CCDC39: variants seen among roughly 807,000 people sequenced by gnomAD.
CCDC39 encodes the protein coiled-coil domain 39 molecular ruler complex subunit, also known as coiled-coil domain-containing protein 39.
In CCDC39, 113 loss-of-function variants were observed where a neutral mutation model predicts 121.0. That is an observed-to-expected ratio of 0.93 (90% CI 0.80 to 1.09). The LOEUF is 1.09. Ranked by LOEUF, CCDC39 falls within the 50% of genes least tolerant of loss-of-function variation. CCDC39 has a pLI of 0.00. For missense variants in CCDC39, 1,063 were observed against 1,074.7 expected, an observed-to-expected ratio of 0.99 and a Z score of 0.15; for synonymous variants, 349 against 352.2, an observed-to-expected ratio of 0.99 and a Z score of 0.10.
intron 8 of CCDC39, 74 bp downstream of exon 8, chr3:180,652,089 G>C: frequency 4.9e-6 from 4 of 820,602 alleles, no homozygotes; most frequent in Non-Finnish European, 7.6e-6. Context: ...ACAACAAATA[G>C]TCTTAAGTAT....
intron 13 of CCDC39, among the ~76,000 whole-genome samples, chr3:180,636,288 C>T (rs188618643): frequency 1.7e-4 from 26 of 152,274 alleles, no homozygotes; most frequent in African/African-American, 5.8e-4. Flanking sequence ...ATAAAAATTA[C>T]TAGCATTCCT....
In CCDC39 at chr3:180,644,159, T is replaced by C; in HGVS notation, c.1626A>G (p.Arg542=). The change falls in exon 12 of 20, where the codon AGA becomes AGG. Residue 542 remains arginine (R), a synonymous_variant. Coordinates refer to ENST00000476379, the MANE Select transcript of CCDC39 (RefSeq NM_181426.2). ...TGGCTTTATCAAGTTCTTTCTCTGA[T>C]CTGTCGATGAAAAGGTTTAGTTCAT... ...KINELNLFID[R]SEKELDKAKG... The C allele has an allele frequency of 6.5e-7, 1 of 1,545,610 alleles. No homozygotes were observed. Among genetic ancestry groups the C allele is most frequent in the Non-Finnish European group, 8.7e-7 (1 of 1,144,602 alleles).
In CCDC39 at chr3:180,676,101, A is replaced by C. The variant is rs554236789; in HGVS notation, c.90+3190T>G. On this transcript the variant is annotated intron_variant, in intron 1 of 19. Coordinates refer to ENST00000476379, the MANE Select transcript of CCDC39 (RefSeq NM_181426.2). ...AGGCATGGGCAAGGACTTCATGTCT[A>C]AAACACCAAAAGCAATGGCAACAAA... Among the ~76,000 whole-genome samples, 61 of 152,332 alleles carry C rather than the reference A, an allele frequency of 4.0e-4. No individual in the cohort carries two copies. The South Asian group carries it at 0.012, about 29-fold the overall frequency.
At position 180,679,062 on chromosome 3, in the gene CCDC39, C is replaced by G. The variant is rs1712317772; in HGVS notation, c.90+229G>C. 6.6e-6 allele frequency among the ~76,000 whole-genome samples: 1 copy of G among 152,070 alleles called. No homozygotes were observed. The highest frequency in any genetic ancestry group is 2.4e-5 in the African/African-American group (1 of 41,386). On this transcript the variant is annotated intron_variant, in intron 1 of 19. Coordinates refer to ENST00000476379, the MANE Select transcript of CCDC39 (RefSeq NM_181426.2). The surrounding 1 kb of genome is among the most constrained non-coding windows in gnomAD (Gnocchi z 4.0). ...ATGAGGAAGGGAGTAATAATTCGAGCTTTATAACCCTAAATGTCAATTATG... is the reference window on the plus strand; with the variant it reads ...ATGAGGAAGGGAGTAATAATTCGAGGTTTATAACCCTAAATGTCAATTATG...
At position 180,647,182 on chromosome 3, in the gene CCDC39, T is replaced by C; in HGVS notation, c.1424A>G (p.Glu475Gly). The change falls in exon 11 of 20, where the codon GAA becomes GGA. Residue 475 changes from glutamate (E) to glycine (G), a missense_variant. Physicochemically the swap from Glu to Gly is moderately conservative, Grantham distance 98. Transcript: ENST00000476379. The part of the protein sequence containing the change: ...MSRLKGEINS[E>G]EKQALEAKIV... ...TTTTGCTTCAAGCGCTTGTTTTTCTTCTGAATTAATTTCTCCCTTTAACCG... is the reference window on the plus strand; with the variant it reads ...TTTTGCTTCAAGCGCTTGTTTTTCTCCTGAATTAATTTCTCCCTTTAACCG... 1.2e-6 allele frequency: 2 copies of C among 1,612,048 alleles called. No individual in the cohort carries two copies. Among genetic ancestry groups the C allele is most frequent in the Non-Finnish European group, 1.7e-6 (2 of 1,179,074 alleles).
In CCDC39 at chr3:180,659,477, T is replaced by C. The variant is rs747326264; in HGVS notation, c.713A>G (p.Asp238Gly). 9.3e-6 allele frequency: 15 copies of C among 1,613,540 alleles called. No individual in the cohort carries two copies. In the South Asian group the frequency reaches 1.6e-4, roughly 18 times the overall value. Residue 238 changes from aspartate to glycine, a missense_variant, in exon 6 of 20, where the codon GAT (aspartate) becomes GGT (glycine). Transcript: ENST00000476379. Reference sequence around the variant, plus strand: ...CAAAGCACAGTTATCTATGTCTCCATCCCTCTTCTGCATCTGTTCTATTGT... The same window carrying C: ...CAAAGCACAGTTATCTATGTCTCCACCCCTCTTCTGCATCTGTTCTATTGT... ...ENTIEQMQKRDGDIDNCALEL... is the reference protein window; with the variant it reads ...ENTIEQMQKRGGDIDNCALEL...
At chr3:180,633,574 G>A (rs1352146057) in intron 13 of CCDC39, among the ~76,000 whole-genome samples, 2 of 152,036 alleles carry the variant, frequency 1.3e-5, no homozygotes, top group Admixed American at 6.5e-5. Context: ...CAGAGGAGAG[G>A]GGAATAGGGA....
At chr3:180,615,421 G>A (rs1019881444) in intron 19 of CCDC39, among the ~76,000 whole-genome samples, 1 of 152,064 alleles carries the variant, frequency 6.6e-6, no homozygotes, top group Non-Finnish European at 1.5e-5. Flanking sequence ...TTTGGTGCTG[G>A]CAAAAATAAT....
At chr3:180,628,184 G>A (rs1717607629) in intron 14 of CCDC39, among the ~76,000 whole-genome samples, 1 of 152,060 alleles carries the variant, frequency 6.6e-6, no homozygotes, top group Non-Finnish European at 1.5e-5. Flanking sequence ...CTTCATCTTG[G>A]ACTTCTAGAC....
chr3:180,646,243 A>G (rs1041143340), intron 11 of CCDC39, among the ~76,000 whole-genome samples: 3 of 152,062 alleles, frequency 2.0e-5, no homozygotes, highest in Admixed American at 6.6e-5. Context: ...TCATCAGACT[A>G]CAAACTACTC....
At chr3:180,668,134 T>G (rs940344694) in intron 1 of CCDC39, among the ~76,000 whole-genome samples, 2 of 152,122 alleles carry the variant, frequency 1.3e-5, no homozygotes, top group African/African-American at 4.8e-5. Context: ...TCCCAATATG[T>G]TGGGAGGCCA....
At chr3:180,658,452 G>T (rs1404234755) in intron 6 of CCDC39, among the ~76,000 whole-genome samples, 1 of 151,682 alleles carries the variant, frequency 6.6e-6, no homozygotes, top group Non-Finnish European at 1.5e-5. Context: ...AAAAAAATTA[G>T]CCAGGCATGG....
chr3:180,652,336 T>G (rs1198404017), intron 7 of CCDC39, 70 bp from the exon 8 acceptor site: 1 of 959,362 alleles, frequency 1.0e-6, no homozygotes, highest in Non-Finnish European at 1.5e-6. Flanking sequence ...ATTTCTGAGT[T>G]TTATTCTGCC....
rs776158910 is a variant in CCDC39, at chr3:180,679,391, G to A, written c.-11C>T. ...GAATTCGCTACTCATGACTGCAAAC[G>A]GATAGAGAAGATACAGAGCAAAGAT... On this transcript the variant is annotated 5_prime_UTR_variant, in exon 1 of 20. Transcript: ENST00000476379. This position sits in a 1 kb window ranked among gnomAD's most constrained non-coding sequence, Gnocchi z 4.0. The A allele has an allele frequency of 1.2e-6, 2 of 1,611,556 alleles. No individual in the cohort carries two copies. The highest frequency in any genetic ancestry group is 1.7e-6 in the Non-Finnish European group (2 of 1,177,734).
At position 180,631,500 on chromosome 3, in the gene CCDC39, T is replaced by C; in HGVS notation, c.1967A>G (p.Glu656Gly). 6.2e-7 allele frequency: 1 copy of C among 1,607,544 alleles called. No individual in the cohort carries two copies. The highest frequency in any genetic ancestry group is 8.5e-7 in the Non-Finnish European group (1 of 1,179,006). Residue 656 changes from glutamate to glycine, a missense_variant, in exon 14 of 20, where the codon GAG (glutamate) becomes GGG (glycine). Transcript: ENST00000476379. ...TACATAATAGGCCTGTGTTTTCTCC[T>C]CTTCTCCTTCAGGAGGCAGCATAAC... ...TVVMLPPEGEEEKTQAYYVIK... is the reference protein window; with the variant it reads ...TVVMLPPEGEGEKTQAYYVIK...
At chr3:180,630,149 A>G (rs963227754) in intron 14 of CCDC39, among the ~76,000 whole-genome samples, 13 of 152,164 alleles carry the variant, frequency 8.5e-5, no homozygotes, top group African/African-American at 2.9e-4. Context: ...ACTTAACACC[A>G]GTACTTTTAG....
intron 13 of CCDC39, among the ~76,000 whole-genome samples, chr3:180,631,827 T>C (rs373890358): frequency 6.6e-6 from 1 of 152,348 alleles, no homozygotes; most frequent in African/African-American, 2.4e-5. Flanking sequence ...CGTTTTAATT[T>C]AATAATTCAG....
rs747342645 is a variant in CCDC39, at chr3:180,642,209, C to A, written c.1666-8G>T. On this transcript the variant is annotated splice_region_variant and splice_polypyrimidine_tract_variant and intron_variant, in intron 12 of 19. Coordinates refer to ENST00000476379, the MANE Select transcript of CCDC39 (RefSeq NM_181426.2). ...GTCCTCTATCATCAAATCCTATCAA[C>A]GTAACAAAATGGTCAAATATTGAAA... 3 of 1,532,726 alleles carry A rather than the reference C, an allele frequency of 2.0e-6. No homozygotes were observed. Among genetic ancestry groups the A allele is most frequent in the African/African-American group, 2.8e-5 (2 of 72,360 alleles). The allele number at this position is 1,532,726 out of a possible 1,614,324, so 94.9% of individuals were successfully genotyped here.
At chr3:180,639,256 A>T (rs540449223) in intron 13 of CCDC39, among the ~76,000 whole-genome samples, 15 of 152,292 alleles carry the variant, frequency 9.8e-5, no homozygotes, top group African/African-American at 3.4e-4. Flanking sequence ...AAACTTCAGT[A>T]TTCATAAAGT....
Sources: allele counts gnomAD v4.1 joint callset (sites outside exome capture counted in the v4.1 genomes callset), GRCh38; gene constraint gnomAD v4.1.1; non-coding constraint Gnocchi (gnomAD v3.1); transcripts MANE v1.5; gene names NCBI Gene and HGNC (gene_info 2026-07-23, HGNC 2026-07-21).